STIM1: variants seen among roughly 807,000 people sequenced by gnomAD.
STIM1 encodes the protein stromal interaction molecule 1.
A neutral mutation model predicts 74.7 loss-of-function variants in STIM1; 25 were observed. The ratio of observed to expected loss-of-function variants is 0.33; its 90% CI spans 0.24 to 0.47. The LOEUF is 0.47. Among genes scored for constraint, STIM1 ranks in the 20% least tolerant of loss-of-function variants. The probability of loss-of-function intolerance (pLI) is 1.00; values close to 1 mark genes in which losing one functional copy is unlikely to be tolerated. For synonymous variants in STIM1, 328 were observed against 348.8 expected, an observed-to-expected ratio of 0.94 and a Z score of 0.66; for missense variants, 728 against 920.8, an observed-to-expected ratio of 0.79 and a Z score of 2.71.
intron 5 of STIM1, among the ~76,000 whole-genome samples, chr11:4,065,217 G>A (rs984486498): frequency 2.0e-5 from 3 of 152,182 alleles, no homozygotes; most frequent in African/African-American, 7.2e-5. Flanking sequence ...TTGGAGATAG[G>A]AAAAGAAAAG....
chr11:4,083,022 C>T (rs753704247), intron 9 of STIM1, 40 bp downstream of exon 9: 1 of 1,565,936 alleles, frequency 6.4e-7, no homozygotes, highest in Non-Finnish European at 8.8e-7. Flanking sequence ...ATGTCCATAT[C>T]ATCCTCAGAA....
At chr11:4,086,986 C>T (rs2094497780) in intron 12 of STIM1, 1 of 1,330,366 alleles carries the variant, frequency 7.5e-7, no homozygotes, top group African/African-American at 1.5e-5. Context: ...TCTTCTTATC[C>T]TGTTTGTTCC....
chr11:3,983,740 T>G (rs2135811386), intron 2 of STIM1, among the ~76,000 whole-genome samples: 1 of 152,310 alleles, frequency 6.6e-6, no homozygotes, highest in South Asian at 2.1e-4. Context: ...GAAGCAGAGC[T>G]CTCCTTTTGG....
At chr11:3,885,669 C>T (rs2091678082) in intron 1 of STIM1, among the ~76,000 whole-genome samples, 1 of 151,908 alleles carries the variant, frequency 6.6e-6, no homozygotes, top group Admixed American at 6.6e-5. Flanking sequence ...GGGACTCGCT[C>T]TGTTGTATAG....
At chr11:4,059,692 T>C (rs1022891870) in intron 5 of STIM1, among the ~76,000 whole-genome samples, 1 of 152,170 alleles carries the variant, frequency 6.6e-6, no homozygotes, top group African/African-American at 2.4e-5. Flanking sequence ...GAGTGTTCTG[T>C]AGAGGTACAC....
At chr11:4,027,300 C>CTTTTCTTTT (rs1370559401) in intron 3 of STIM1, among the ~76,000 whole-genome samples, 1 of 151,944 alleles carries the variant, frequency 6.6e-6, no homozygotes, top group Non-Finnish European at 1.5e-5. Flanking sequence ...GGGGATTCGC[C>CTTTTCTTTT]TTTTCTTTTT....
At chr11:4,021,378 G>C (rs1480485448) in intron 2 of STIM1, among the ~76,000 whole-genome samples, 1 of 152,154 alleles carries the variant, frequency 6.6e-6, no homozygotes, top group East Asian at 1.9e-4. Flanking sequence ...CACCTGCCTT[G>C]GCCTCCCAAA....
intron 3 of STIM1, among the ~76,000 whole-genome samples, chr11:4,025,978 A>T (rs2093995042): frequency 6.6e-6 from 1 of 152,192 alleles, no homozygotes; most frequent in African/African-American, 2.4e-5. Context: ...ATACCTGGTG[A>T]TTTGACAGAC....
intron 1 of STIM1, among the ~76,000 whole-genome samples, chr11:3,917,075 TTCAGGGATGCCAG>T (rs2092654917): frequency 1.3e-5 from 2 of 152,334 alleles, no homozygotes; most frequent in Admixed American, 1.3e-4. Context: ...GCCAGTGACT[TTCAGGGATGCCAG>T]TCAGTTGAGT....
intron 1 of STIM1, among the ~76,000 whole-genome samples, chr11:3,952,624 A>T (rs542323107): frequency 6.6e-6 from 1 of 152,286 alleles, no homozygotes; most frequent in East Asian, 1.9e-4. Flanking sequence ...ATAATTAGGG[A>T]TTGGGGAAAA....
At chr11:3,909,778 C>G (rs928828380) in intron 1 of STIM1, among the ~76,000 whole-genome samples, 14 of 134,160 alleles carry the variant, frequency 1.0e-4, no homozygotes, top group African/African-American at 4.0e-4. Flanking sequence ...GGTGACAGAG[C>G]GAGACTCCAT....
intron 1 of STIM1, among the ~76,000 whole-genome samples, chr11:3,940,375 A>G (rs2092989988): frequency 1.3e-5 from 2 of 152,332 alleles, no homozygotes; most frequent in South Asian, 4.1e-4. Flanking sequence ...TATACATGTA[A>G]ATATTTAAAT....
At chr11:3,989,439 G>T (rs1370468050) in intron 2 of STIM1, 9 of 715,698 alleles carry the variant, frequency 1.3e-5, no homozygotes, top group Admixed American at 5.5e-5. Flanking sequence ...CCCCTTCCGC[G>T]GAGCTGACCT....
rs1387576945 is a variant in STIM1 at position 3,855,788 on chromosome 11, G to A, written c.-483G>A. On this transcript the variant is annotated 5_prime_UTR_variant, in exon 1 of 13. Transcript: ENST00000526596. ...CTAGGAGGCCCAGGATCCCGGAGACGCCCGCGCCCTCAGGACCCTGCGGGT... is the reference window on the plus strand; with the variant it reads ...CTAGGAGGCCCAGGATCCCGGAGACACCCGCGCCCTCAGGACCCTGCGGGT... 5.9e-6 allele frequency: 1 copy of A among 169,422 alleles called. No homozygotes were observed. Among genetic ancestry groups the A allele is most frequent in the South Asian group, 1.2e-4 (1 of 8,068 alleles). 10.5% of individuals were successfully genotyped at this position (169,422 alleles called of 1,614,324 possible).
chr11:4,082,132 G>A (rs2094468571), intron 7 of STIM1, 52 bp from the exon 8 acceptor site: 2 of 1,585,006 alleles, frequency 1.3e-6, no homozygotes, highest in African/African-American at 2.7e-5. Context: ...ATACAGAGAT[G>A]TTGGAGAGTC....
At chr11:3,995,046 T>C (rs2093651184) in intron 2 of STIM1, among the ~76,000 whole-genome samples, 1 of 151,990 alleles carries the variant, frequency 6.6e-6, no homozygotes, top group Non-Finnish European at 1.5e-5. Flanking sequence ...TGATGCATCA[T>C]TGACATCATG....
chr11:4,061,007 T>C (rs1031608560), intron 5 of STIM1, among the ~76,000 whole-genome samples: 2 of 152,178 alleles, frequency 1.3e-5, no homozygotes, highest in African/African-American at 4.8e-5. Context: ...TACCCAACTA[T>C]AAAAGCTAGG....
At chr11:4,032,836 A>G (rs919699858) in intron 3 of STIM1, among the ~76,000 whole-genome samples, 2 of 152,202 alleles carry the variant, frequency 1.3e-5, no homozygotes, top group African/African-American at 4.8e-5. Flanking sequence ...TACTATGTAA[A>G]TGGTATTTTA....
At chr11:4,090,762 G>T (rs993946643) in intron 12 of STIM1, among the ~76,000 whole-genome samples, 3 of 152,228 alleles carry the variant, frequency 2.0e-5, no homozygotes, top group African/African-American at 7.2e-5. Context: ...AGAAGGCAGA[G>T]ATTTTATTGA....
Sources: allele counts gnomAD v4.1 joint callset (sites outside exome capture counted in the v4.1 genomes callset), GRCh38; gene constraint gnomAD v4.1.1; transcripts MANE v1.5; gene names NCBI Gene and HGNC (gene_info 2026-07-23, HGNC 2026-07-21).